Variants in TRNT1 observed in about 807,000 individuals in gnomAD.
TRNT1 encodes CCA tRNA nucleotidyltransferase 1, mitochondrial.
A neutral mutation model predicts 45.6 loss-of-function variants in TRNT1; 44 were observed. That is an observed-to-expected ratio of 0.97 (90% CI 0.76 to 1.24). TRNT1 has a LOEUF of 1.24. Ranked by LOEUF, TRNT1 falls within the 50% of genes most tolerant of loss-of-function variation. The probability of loss-of-function intolerance (pLI) is 0.00; values close to 1 mark genes in which losing one functional copy is unlikely to be tolerated. For missense variants in TRNT1, 633 were observed against 504.4 expected (o/e 1.25, Z -2.44); for synonymous variants, 201 against 171.4 (o/e 1.17, Z -1.35).
chr3:3,127,637 T>C (rs916211982), intron 1 of TRNT1: 8 of 152,240 alleles, frequency 5.3e-5, no homozygotes. Flanking sequence ...GAAAATACAA[T>C]GTCTAGGAGC....
Position 3,147,915 on chromosome 3 carries a change from C to T in TRNT1, c.1066C>T (p.Pro356Ser), listed in dbSNP as rs375726663. The part of the protein sequence containing the change: ...YQDFIIDSRE[P>S]DATTRVCELL... ...TGATTTTGACACGTAGTCTAGGGAA[C>T]CTGATGCAACTACTCGTGTATGTGA... is the stretch of plus-strand genomic sequence containing the variant. Residue 356 changes from proline to serine, a missense_variant, in exon 8 of 8, where the codon CCT becomes TCT. By Grantham distance (74) the Pro-to-Ser change is moderately conservative (BLOSUM62 -1). Coordinates refer to ENST00000251607, the MANE Select transcript of TRNT1 (RefSeq NM_182916.3). 20 of 1,611,812 alleles carry T rather than the reference C, an allele frequency of 1.2e-5. No homozygotes were observed. In the African/African-American group the frequency reaches 1.7e-4, roughly 14 times the overall value.
rs772847879 is a variant in TRNT1, at chr3:3,147,541, A to C, written c.894A>C (p.Ser298=). Residue 298 remains serine, a synonymous_variant, in exon 7 of 8, where the codon TCA becomes TCC. Transcript: ENST00000251607. ...FSPKPVTLLA[S]LFKVQDDVTK... ...CAAAGCCAGTGACTCTTTTGGCCTCATTATTCAAAGTACAAGATGATGTCA... is the reference window on the plus strand; with the variant it reads ...CAAAGCCAGTGACTCTTTTGGCCTCCTTATTCAAAGTACAAGATGATGTCA... 2 of 1,613,962 alleles carry C rather than the reference A, an allele frequency of 1.2e-6. No homozygotes were observed. The highest frequency in any genetic ancestry group is 1.7e-6 in the Non-Finnish European group (2 of 1,179,870).
At chr3:3,134,876 C>T (rs1265427077) in intron 2 of TRNT1, among the ~76,000 whole-genome samples, 5 of 151,936 alleles carry the variant, frequency 3.3e-5, no homozygotes, top group East Asian at 1.9e-4. Context: ...CTGTACTAGT[C>T]GCTTAGAAGA....
At chr3:3,135,136 G>T (rs1559218561) in intron 2 of TRNT1, among the ~76,000 whole-genome samples, 1 of 152,130 alleles carries the variant, frequency 6.6e-6, no homozygotes, top group Non-Finnish European at 1.5e-5. Flanking sequence ...ACTGCTATGT[G>T]AATGTCTTAG....
chr3:3,128,301 A>G (rs1704733194), intron 1 of TRNT1, among the ~76,000 whole-genome samples: 1 of 152,190 alleles, frequency 6.6e-6, no homozygotes, highest in Admixed American at 6.5e-5. Flanking sequence ...GGGTCCTGTT[A>G]AGAATTCCTT....
At chr3:3,140,447 T>C in intron 3 of TRNT1, 63 bp from the exon 4 acceptor site, 1 of 1,545,726 alleles carries the variant, frequency 6.5e-7, no homozygotes, top group South Asian at 1.2e-5. Flanking sequence ...CTTATTTTTT[T>C]CAATTCAGTA....
At chr3:3,143,624 C>A (rs1475006406) in intron 4 of TRNT1, among the ~76,000 whole-genome samples, 1 of 152,140 alleles carries the variant, frequency 6.6e-6, no homozygotes, top group Non-Finnish European at 1.5e-5. Flanking sequence ...ATGCCTGTAA[C>A]CCTAGCACTT....
chr3:3,138,416 T>A (rs1705453717), intron 3 of TRNT1, among the ~76,000 whole-genome samples: 1 of 152,246 alleles, frequency 6.6e-6, no homozygotes, highest in African/African-American at 2.4e-5. Flanking sequence ...TATTTCCTTT[T>A]GGAAGTCTTT....
At chr3:3,145,846 C>T (rs550515781) in intron 5 of TRNT1, among the ~76,000 whole-genome samples, 33 of 151,872 alleles carry the variant, frequency 2.2e-4, no homozygotes, top group African/African-American at 7.0e-4. Context: ...CACTTTGGAC[C>T]GCTGATGAAT....
At chr3:3,153,418 C>T, downstream of TRNT1, 2 of 1,448,406 alleles carry the variant, frequency 1.4e-6, no homozygotes, top group South Asian at 2.3e-5. Flanking sequence ...GTAATAAAGA[C>T]CTTACCTGAA....
rs185180642 is a variant in TRNT1, at chr3:3,142,431, A to C, written c.481+1783A>C. Among the ~76,000 whole-genome samples the C allele has an allele frequency of 6.5e-4, 99 of 152,366 alleles. 1 individual carries two copies. Among genetic ancestry groups the C allele is most frequent in the Admixed American group, 1.1e-3 (17 of 15,310 alleles). ...TGCACAGCTTGTAAAGTGTAGGATCAGAATTCCAACTCAGGCAGCCTGACT... is the reference window on the plus strand; with the variant it reads ...TGCACAGCTTGTAAAGTGTAGGATCCGAATTCCAACTCAGGCAGCCTGACT... On this transcript the variant is annotated intron_variant, in intron 4 of 7. Coordinates refer to ENST00000251607, the MANE Select transcript of TRNT1 (RefSeq NM_182916.3).
At chr3:3,129,443 A>G in intron 2 of TRNT1, 1 of 421,486 alleles carries the variant, frequency 2.4e-6, no homozygotes, top group Non-Finnish European at 4.4e-6. Flanking sequence ...TGTTGGAAGA[A>G]AGGCTTGGCT....
downstream of TRNT1, chr3:3,152,693 A>G: frequency 7.4e-7 from 1 of 1,347,976 alleles, no homozygotes; most frequent in Non-Finnish European, 1.0e-6. Context: ...TATGAGCTAT[A>G]CAGTTTTTAA....
At chr3:3,146,079 G>GT (rs1005077606) in intron 5 of TRNT1, among the ~76,000 whole-genome samples, 64 of 145,264 alleles carry the variant, frequency 4.4e-4, no homozygotes, top group African/African-American at 1.0e-3. Flanking sequence ...CAAGAATGCT[G>GT]TTTTTTTTTT....
intron 3 of TRNT1, among the ~76,000 whole-genome samples, chr3:3,140,048 G>A (rs1407341484): frequency 1.3e-5 from 2 of 152,032 alleles, no homozygotes; most frequent in Admixed American, 6.6e-5. Flanking sequence ...ATTTCACTGG[G>A]GATTATCAGT....
intron 4 of TRNT1, among the ~76,000 whole-genome samples, chr3:3,141,718 C>A (rs1013128645): frequency 3.3e-5 from 5 of 152,106 alleles, no homozygotes; most frequent in Non-Finnish European, 7.3e-5. Flanking sequence ...ATGAAACATC[C>A]ACTGTTCATA....
At position 3,148,089 on chromosome 3, in the gene TRNT1, C is replaced by A. The variant is rs764603508; in HGVS notation, c.1240C>A (p.Gln414Lys). 5.0e-6 allele frequency: 8 copies of A among 1,613,610 alleles called. No homozygotes were observed. Among genetic ancestry groups the A allele is most frequent in the Non-Finnish European group, 6.8e-6 (8 of 1,179,772 alleles). ...IGALLQQLRE[Q>K]WKKSGYQMEK... ...GGCTCTATTACAACAGTTGCGAGAA[C>A]AGTGGAAAAAAAGTGGTTACCAAAT... Residue 414 changes from glutamine (Q) to lysine (K), a missense_variant, in exon 8 of 8, where the codon CAG becomes AAG. Physicochemically the swap from Gln to Lys is moderately conservative, Grantham distance 53 (BLOSUM62 1). Coordinates refer to ENST00000251607, the MANE Select transcript of TRNT1 (RefSeq NM_182916.3).
chr3:3,146,344 G>T (rs1036544352), intron 5 of TRNT1, 86 bp from the exon 6 acceptor site: 18 of 1,027,806 alleles, frequency 1.8e-5, no homozygotes, highest in Non-Finnish European at 2.6e-5. Context: ...CAGATGTATG[G>T]GATAGTACCA....
rs138032151 is a variant in TRNT1, at chr3:3,128,717, C to T, written c.-27-297C>T. Among the ~76,000 whole-genome samples the T allele has an allele frequency of 1.3e-3, 204 of 151,792 alleles. 1 individual carries two copies. Among genetic ancestry groups the T allele is most frequent in the African/African-American group, 4.7e-3 (194 of 41,356 alleles). ...GTTACATTCTAGCCTTGTTTAAGGG[C>T]ACTGGCTGGCTCTTTCAGCTTTTAA... On this transcript the variant is annotated intron_variant, in intron 1 of 7. Transcript: ENST00000251607.
Sources: allele counts gnomAD v4.1 joint callset (sites outside exome capture counted in the v4.1 genomes callset), GRCh38; gene constraint gnomAD v4.1.1; transcripts MANE v1.5; gene names NCBI Gene and HGNC (gene_info 2026-07-23, HGNC 2026-07-21).